Variants in OPCML observed in about 807,000 individuals in gnomAD.
OPCML encodes the protein opioid binding protein/cell adhesion molecule like.
In OPCML, 13 loss-of-function variants were observed where a neutral mutation model predicts 37.8. The ratio of observed to expected loss-of-function variants is 0.34; its 90% CI spans 0.22 to 0.55. The LOEUF (loss-of-function observed/expected upper bound fraction) is 0.55, where lower values mean the gene tolerates loss of function less well. Among genes scored for constraint, OPCML ranks in the 20% least tolerant of loss-of-function variants. OPCML has a pLI of 0.91. For missense variants in OPCML, 341 were observed against 435.6 expected (o/e 0.78, Z 1.93); for synonymous variants, 176 against 168.8 (o/e 1.04, Z -0.33).
chr11:133,040,265 G>A (rs1042531676), intron 1 of OPCML, among the ~76,000 whole-genome samples: 8 of 152,006 alleles, frequency 5.3e-5, no homozygotes, highest in South Asian at 4.1e-4. Flanking sequence ...CCCACTGCAC[G>A]ACTGAGCTAT....
chr11:132,570,349 C>T (rs1050194282), intron 3 of OPCML, among the ~76,000 whole-genome samples: 1 of 152,020 alleles, frequency 6.6e-6, no homozygotes, highest in Non-Finnish European at 1.5e-5. Context: ...CTCTAGATCA[C>T]AATGACATGA....
chr11:133,051,918 G>T (rs1948139256), intron 1 of OPCML, among the ~76,000 whole-genome samples: 1 of 152,188 alleles, frequency 6.6e-6, no homozygotes, highest in Non-Finnish European at 1.5e-5. Flanking sequence ...TCATGCACTT[G>T]TCTTTCCCTA....
At chr11:132,696,167 C>T (rs1427549773) in intron 2 of OPCML, among the ~76,000 whole-genome samples, 1 of 152,004 alleles carries the variant, frequency 6.6e-6, no homozygotes, top group Non-Finnish European at 1.5e-5. Flanking sequence ...AATGCCCGAC[C>T]CTAAAGTTTA....
chr11:132,999,517 ATTTG>A (rs1946952783), intron 1 of OPCML, among the ~76,000 whole-genome samples: 1 of 147,294 alleles, frequency 6.8e-6, no homozygotes, highest in Non-Finnish European at 1.5e-5. Context: ...GGAGCTTATT[ATTTG>A]TTTGATATTA....
chr11:132,914,785 C>T (rs1386618877), intron 2 of OPCML, among the ~76,000 whole-genome samples: 1 of 152,162 alleles, frequency 6.6e-6, no homozygotes, highest in Non-Finnish European at 1.5e-5. Flanking sequence ...AACCAGAGCC[C>T]CAAGGAGCTG....
At chr11:133,389,097 TC>T (rs1197988755) in intron 1 of OPCML, among the ~76,000 whole-genome samples, 1 of 152,056 alleles carries the variant, frequency 6.6e-6, no homozygotes, top group East Asian at 1.9e-4. Context: ...TTACCAACAA[TC>T]CCCAGTAAAG....
At position 132,475,885 on chromosome 11, in the gene OPCML, C is replaced by A. The variant is rs78332940; in HGVS notation, c.506-38526G>T. 5.5e-3 allele frequency among the ~76,000 whole-genome samples: 833 copies of A among 152,256 alleles called. 10 individuals are homozygous for A. The highest frequency in any genetic ancestry group is 0.019 in the African/African-American group (785 of 41,540). ...ACAGGTATATATACAGATATTTCATCTGTATACATTTATGATAGAGTGACA... is the reference window on the plus strand; with the variant it reads ...ACAGGTATATATACAGATATTTCATATGTATACATTTATGATAGAGTGACA... On this transcript the variant is annotated intron_variant, in intron 4 of 7. Coordinates refer to ENST00000524381, the MANE Select transcript of OPCML (RefSeq NM_001012393.5).
chr11:132,556,955 G>T (rs1368784105), intron 3 of OPCML, among the ~76,000 whole-genome samples: 1 of 152,108 alleles, frequency 6.6e-6, no homozygotes, highest in Non-Finnish European at 1.5e-5. Flanking sequence ...AGAGAGTTCT[G>T]ACTCTTTCTC....
At chr11:133,001,625 A>T (rs556825728) in intron 1 of OPCML, among the ~76,000 whole-genome samples, 24 of 152,344 alleles carry the variant, frequency 1.6e-4, no homozygotes, top group Admixed American at 3.9e-4. Context: ...ATTCAGAGGG[A>T]CCAATGAAGA....
At chr11:132,428,260 C>T (rs558683806) in intron 7 of OPCML, among the ~76,000 whole-genome samples, 5 of 152,178 alleles carry the variant, frequency 3.3e-5, no homozygotes, top group African/African-American at 4.8e-5. Flanking sequence ...GAGGGGACTA[C>T]AAGTCCTCTT....
intron 3 of OPCML, among the ~76,000 whole-genome samples, chr11:132,651,825 A>G (rs1422492847): frequency 6.6e-6 from 1 of 152,234 alleles, no homozygotes; most frequent in Non-Finnish European, 1.5e-5. Context: ...CTCCTATGTA[A>G]GAATTTAATA....
chr11:133,178,935 C>T (rs1937689541), intron 1 of OPCML, among the ~76,000 whole-genome samples: 2 of 152,014 alleles, frequency 1.3e-5, no homozygotes, highest in South Asian at 4.1e-4. Flanking sequence ...TTTTCACTCG[C>T]TGCCTCTAAA....
chr11:133,376,427 AT>A (rs2136766598), intron 1 of OPCML, among the ~76,000 whole-genome samples: 1 of 152,320 alleles, frequency 6.6e-6, no homozygotes, highest in Admixed American at 6.5e-5. Context: ...AAACATCACT[AT>A]GGATGATTTG....
At chr11:132,606,675 CCG>C (rs1938322188) in intron 3 of OPCML, among the ~76,000 whole-genome samples, 1 of 37,204 alleles carries the variant, frequency 2.7e-5, no homozygotes, top group Admixed American at 2.2e-4. Context: ...GCCAATGGGA[CCG>C]TGACTGCCGT....
intron 1 of OPCML, among the ~76,000 whole-genome samples, chr11:133,244,439 A>C (rs1940845773): frequency 6.6e-6 from 1 of 152,134 alleles, no homozygotes; most frequent in Non-Finnish European, 1.5e-5. Flanking sequence ...TAACCTAATA[A>C]GGTAGCAAAC....
intron 1 of OPCML, among the ~76,000 whole-genome samples, chr11:133,091,096 ATGTTC>A (rs1565442423): frequency 6.6e-6 from 1 of 152,152 alleles, no homozygotes; most frequent in African/African-American, 2.4e-5. Context: ...TTCTGCTGCA[ATGTTC>A]CTTGGCTTCC....
At chr11:132,542,532 C>T (rs1000300308) in intron 3 of OPCML, among the ~76,000 whole-genome samples, 1 of 152,126 alleles carries the variant, frequency 6.6e-6, no homozygotes. Context: ...TTCACCCAAC[C>T]TCTCTGAGCC....
At chr11:132,835,751 A>G (rs929416746) in intron 2 of OPCML, among the ~76,000 whole-genome samples, 1 of 152,190 alleles carries the variant, frequency 6.6e-6, no homozygotes, top group Non-Finnish European at 1.5e-5. Context: ...GCATTATGTC[A>G]AAGTCCAAGT....
intron 1 of OPCML, among the ~76,000 whole-genome samples, chr11:133,207,305 C>G (rs1204705747): frequency 6.6e-6 from 1 of 151,764 alleles, no homozygotes; most frequent in Non-Finnish European, 1.5e-5. Context: ...ATCTCAAAAA[C>G]AAAAAACAAA....
Sources: gnomAD v4.1 joint callset for allele counts (sites outside exome capture counted in the v4.1 genomes callset) on GRCh38, gnomAD v4.1.1 for gene constraint, MANE v1.5 for transcripts, NCBI Gene and HGNC (gene_info 2026-07-23, HGNC 2026-07-21) for gene names.